The following FBXW4 variants were observed in gnomAD, a reference collection of about 807,000 sequenced individuals.
FBXW4 encodes F-box and WD repeat domain containing 4.
A neutral mutation model predicts 61.8 loss-of-function variants in FBXW4; 40 were observed. The observed-to-expected ratio is 0.65, with a 90% confidence interval of 0.50 to 0.84. The LOEUF is 0.84. FBXW4 is among the 40% of genes least tolerant of loss of function. The probability of loss-of-function intolerance (pLI) is 0.00; values close to 1 mark genes in which losing one functional copy is unlikely to be tolerated. For missense variants in FBXW4, 672 were observed against 753.8 expected (o/e 0.89, Z 1.27); for synonymous variants, 311 against 313.8 (o/e 0.99, Z 0.10).
intron 5 of FBXW4, among the ~76,000 whole-genome samples, chr10:101,650,087 A>C (rs1237999906): frequency 6.6e-6 from 1 of 152,178 alleles, no homozygotes; most frequent in East Asian, 1.9e-4. Flanking sequence ...GTTTGAGATA[A>C]GGTACCCACC....
At chr10:101,649,371 AC>A (rs1244037311) in intron 5 of FBXW4, among the ~76,000 whole-genome samples, 1 of 151,924 alleles carries the variant, frequency 6.6e-6, no homozygotes, top group African/African-American at 2.4e-5. Context: ...TGCCCCACCC[AC>A]CATTATCACA....
At chr10:101,691,047 T>C (rs1165062061) in intron 1 of FBXW4, among the ~76,000 whole-genome samples, 1 of 152,192 alleles carries the variant, frequency 6.6e-6, no homozygotes, top group African/African-American at 2.4e-5. Context: ...CCATTCTTTA[T>C]AGGTAATAAA....
At chr10:101,644,041 G>A (rs755550306) in intron 5 of FBXW4, among the ~76,000 whole-genome samples, 21 of 152,136 alleles carry the variant, frequency 1.4e-4, no homozygotes, top group Non-Finnish European at 2.8e-4. Flanking sequence ...TCCCACATTC[G>A]TACCTGGGCT....
chr10:101,614,787 CA>C, intron 6 of FBXW4, among the ~76,000 whole-genome samples: 1 of 152,320 alleles, frequency 6.6e-6, no homozygotes, highest in East Asian at 1.9e-4. Context: ...ACTGACACGC[CA>C]GGCTCTGGGA....
chr10:101,694,440 G>A lies in FBXW4; in HGVS notation c.666C>T (p.Leu222=). The A allele has an allele frequency of 1.3e-6, 2 of 1,536,132 alleles. No individual in the cohort carries two copies. The highest frequency in any genetic ancestry group is 8.7e-7 in the Non-Finnish European group (1 of 1,153,744). Reference sequence around the variant, plus strand: ...GCGAGGCCCGGGCTATCCGGCGCCAGAGCAGATCGCAGCTGGTGAAGCGCC... The same window carrying A: ...GCGAGGCCCGGGCTATCCGGCGCCAAAGCAGATCGCAGCTGGTGAAGCGCC... ...WLRRFTSCDL[L]WRRIARASLN... is the part of the protein sequence containing the mutation. Residue 222 remains leucine, a synonymous_variant, in exon 1 of 9, where the codon CTC becomes CTT. Coordinates refer to ENST00000331272, the MANE Select transcript of FBXW4 (RefSeq NM_022039.4). This position sits in a 1 kb window ranked among gnomAD's most constrained non-coding sequence, Gnocchi z 6.0.
At chr10:101,659,975 T>A in intron 5 of FBXW4, 1 of 499,602 alleles carries the variant, frequency 2.0e-6, no homozygotes, top group Non-Finnish European at 2.6e-6. Context: ...AGCATGGAAA[T>A]CTGTATCTTA....
intron 5 of FBXW4, among the ~76,000 whole-genome samples, chr10:101,663,880 G>A (rs1316659174): frequency 1.3e-5 from 2 of 152,202 alleles, no homozygotes; most frequent in Non-Finnish European, 2.9e-5. Context: ...TACAGGAGAA[G>A]GGCTTCTTTT....
intron 1 of FBXW4, among the ~76,000 whole-genome samples, chr10:101,688,400 G>A (rs182208577): frequency 1.9e-4 from 29 of 152,302 alleles, no homozygotes; most frequent in African/African-American, 6.7e-4. Flanking sequence ...AAAGAGGGGC[G>A]GCAGGCACAG....
chr10:101,616,994 G>C (rs940693762), intron 6 of FBXW4, among the ~76,000 whole-genome samples: 1 of 152,224 alleles, frequency 6.6e-6, no homozygotes, highest in East Asian at 1.9e-4. Flanking sequence ...GGAACAGAGG[G>C]AAGTAAGCTG....
At position 101,675,731 on chromosome 10, in the gene FBXW4, A is replaced by C. The variant is rs140281287; in HGVS notation, c.821+610T>G. Among the ~76,000 whole-genome samples the C allele has an allele frequency of 1.3e-3, 198 of 152,356 alleles. 1 individual carries two copies. The highest frequency in any genetic ancestry group is 4.7e-3 in the African/African-American group (194 of 41,592). ...AGGAGCAATTTTTTGGTAGAGAGTC[A>C]AATAATAACTATGAAATCATTTAGC... On this transcript the variant is annotated intron_variant, in intron 2 of 8. Transcript: ENST00000331272.
intron 6 of FBXW4, 47 bp from the exon 7 acceptor site, chr10:101,612,524 C>T (rs1221341004): frequency 2.0e-6 from 3 of 1,463,710 alleles, no homozygotes; most frequent in South Asian, 3.1e-5. Flanking sequence ...GTGGGTCATA[C>T]ACATTCGTTC....
chr10:101,613,585 G>A (rs753840521), intron 6 of FBXW4, among the ~76,000 whole-genome samples: 5 of 152,220 alleles, frequency 3.3e-5, no homozygotes, highest in Admixed American at 6.5e-5. Flanking sequence ...GTCAGCAAAG[G>A]GCTTGAGGCA....
chr10:101,673,616 G>T lies in FBXW4; in HGVS notation c.879C>A (p.Phe293Leu). 1 of 1,614,094 alleles carries T rather than the reference G, an allele frequency of 6.2e-7. No homozygotes were observed. Among genetic ancestry groups the T allele is most frequent in the Non-Finnish European group, 8.5e-7 (1 of 1,179,948 alleles). ...CTGGACGGAACTGGTAGGCCAGGAT[G>T]AAATTAGCCTGGGATATGTACAGAG... is the stretch of plus-strand genomic sequence containing the variant. ...DDSLYISQAN[F>L]ILAYQFRPDG... Residue 293 changes from phenylalanine to leucine, a missense_variant, in exon 3 of 9, where the codon TTC becomes TTA. Around this residue, in one of 5 missense-constraint regions of FBXW4, gnomAD observed 312 missense variants for 370.1 expected, o/e 0.84. Coordinates refer to ENST00000331272, the MANE Select transcript of FBXW4 (RefSeq NM_022039.4).
At chr10:101,635,291 G>C (rs562492457) in intron 5 of FBXW4, among the ~76,000 whole-genome samples, 5 of 128,774 alleles carry the variant, frequency 3.9e-5, no homozygotes, top group East Asian at 1.9e-4. Flanking sequence ...CAAGCTCAAG[G>C]CTCCCACTGA....
chr10:101,694,530 C>A lies in FBXW4; in HGVS notation c.576G>T (p.Leu192=). The A allele has an allele frequency of 1.3e-6, 2 of 1,501,410 alleles. No homozygotes were observed. The highest frequency in any genetic ancestry group is 1.2e-5 in the South Asian group (1 of 80,106). 93.0% of individuals were successfully genotyped at this position (1,501,410 alleles called of 1,614,324 possible). Residue 192 remains leucine (L), a synonymous_variant, in exon 1 of 9, where the codon CTG becomes CTT. Transcript: ENST00000331272. The surrounding 1 kb of genome is among the most constrained non-coding windows in gnomAD (Gnocchi z 6.0). ...GCATGTCCAGGTAGGAGCAGATGAG[C>A]AGCAGCAGCTCCTCCGGCAGGCGCC... ...ALWRLPEELL[L]LICSYLDMRA...
rs767749976 is a variant in FBXW4, at chr10:101,611,695, A to G, written c.1517T>C (p.Leu506Pro). The change falls in exon 8 of 9, where the codon CTG (leucine) becomes CCG (proline). Residue 506 changes from leucine to proline, a missense_variant. By Grantham distance (98) the Leu-to-Pro change is moderately conservative (BLOSUM62 -3). Coordinates refer to ENST00000331272, the MANE Select transcript of FBXW4 (RefSeq NM_022039.4). This position sits in a 1 kb window ranked among gnomAD's most constrained non-coding sequence, Gnocchi z 4.9. ...YCLQTDGNHL[L>P]ATGSSYYGVV... The stretch of plus-strand genomic sequence containing the variant: ...ACCGTAGTAGGAGGAACCTGTGGCC[A>G]GCAGGTGGTTGCCATCTGTCTGCAG... The G allele has an allele frequency of 1.2e-6, 2 of 1,614,206 alleles. No homozygotes were observed. The highest frequency in any genetic ancestry group is 1.7e-6 in the Non-Finnish European group (2 of 1,180,032).
intron 4 of FBXW4, among the ~76,000 whole-genome samples, chr10:101,670,337 C>T (rs984617913): frequency 6.6e-6 from 1 of 152,148 alleles, no homozygotes; most frequent in Non-Finnish European, 1.5e-5. Flanking sequence ...CTTCCGTGTC[C>T]ACATGTGTTA....
At chr10:101,690,022 C>T (rs1442515994) in intron 1 of FBXW4, among the ~76,000 whole-genome samples, 2 of 152,186 alleles carry the variant, frequency 1.3e-5, no homozygotes, top group Non-Finnish European at 2.9e-5. Context: ...AATAAAATTC[C>T]TATTTGAGAA....
intron 5 of FBXW4, among the ~76,000 whole-genome samples, chr10:101,653,752 G>C (rs192059014): frequency 1.3e-5 from 2 of 152,032 alleles, no homozygotes; most frequent in South Asian, 4.1e-4. Flanking sequence ...GCTCCTACAC[G>C]GTAAAAACAA....
Sources: allele counts gnomAD v4.1 joint callset (sites outside exome capture counted in the v4.1 genomes callset), GRCh38; gene constraint gnomAD v4.1.1; regional missense constraint gnomAD v4.1.1; non-coding constraint Gnocchi (gnomAD v3.1); transcripts MANE v1.5; gene names NCBI Gene and HGNC (gene_info 2026-07-23, HGNC 2026-07-21).